Variants in TEC observed in about 807,000 individuals in gnomAD.
TEC encodes the protein tyrosine-protein kinase Tec.
A neutral mutation model predicts 93.0 loss-of-function variants in TEC; 72 were observed. The observed-to-expected ratio is 0.77, with a 90% CI of 0.64 to 0.94. TEC has a LOEUF of 0.94. Among genes scored for constraint, TEC ranks in the 40% least tolerant of loss-of-function variants. The probability of loss-of-function intolerance (pLI) is 0.00; values close to 1 mark genes in which losing one functional copy is unlikely to be tolerated. For missense variants in TEC, 630 were observed against 757.9 expected (o/e 0.83, Z 1.98); for synonymous variants, 249 against 247.7 (o/e 1.01, Z -0.05).
chr4:48,164,272 C>T (rs1188565346), intron 7 of TEC, among the ~76,000 whole-genome samples: 1 of 152,184 alleles, frequency 6.6e-6, no homozygotes, highest in Non-Finnish European at 1.5e-5. Flanking sequence ...AAGGATAATT[C>T]CTGGCCTTTC....
rs146015967 is a variant in TEC, at chr4:48,149,744, T to G, written c.873-54A>C. On this transcript the variant is annotated intron_variant, in intron 10 of 17. Transcript: ENST00000381501. ...CCAAGTTGAAATAATAGAACTTCAT[T>G]CTTAAGATGTTTTCTACAAGGGCAA... 4.4e-4 allele frequency: 668 copies of G among 1,535,342 alleles called. 2 individuals carry two copies. The highest frequency in any genetic ancestry group is 3.2e-3 in the Middle Eastern group (16 of 5,030).
chr4:48,240,137 T>C (rs541246851), intron 1 of TEC, among the ~76,000 whole-genome samples: 61 of 152,242 alleles, frequency 4.0e-4, no homozygotes, highest in Non-Finnish European at 6.6e-4. Context: ...CAAAATAAAA[T>C]TGTTCATGAG....
chr4:48,208,582 C>T (rs1722790899), intron 2 of TEC, among the ~76,000 whole-genome samples: 1 of 152,144 alleles, frequency 6.6e-6, no homozygotes, highest in African/African-American at 2.4e-5. Context: ...TTCCCACCTC[C>T]CTGGGGTCCT....
At chr4:48,174,362 A>C (rs771435260) in intron 3 of TEC, among the ~76,000 whole-genome samples, 2 of 152,122 alleles carry the variant, frequency 1.3e-5, no homozygotes, top group Admixed American at 1.3e-4. Context: ...AATAGCCATC[A>C]AAGCTGTGGT....
At position 48,149,677 on chromosome 4, in the gene TEC, C is replaced by T. The variant is rs747952759; in HGVS notation, c.886G>A (p.Gly296Ser). The T allele has an allele frequency of 3.1e-6, 5 of 1,604,400 alleles. No homozygotes were observed. The highest frequency in any genetic ancestry group is 1.3e-5 in the African/African-American group (1 of 74,390). Residue 296 changes from glycine (G) to serine (S), a missense_variant, in exon 11 of 18, where the codon GGT becomes AGT. By Grantham distance (56) the Gly-to-Ser change is moderately conservative. Coordinates refer to ENST00000381501, the MANE Select transcript of TEC (RefSeq NM_003215.3). ...TCCTTTATATGATAATGCCTAAAAC[C>T]CGATGAACCTTCTCTAGAACAAAAA... ...YTKFGGEGSS[G>S]FRHYHIKETT...
intron 1 of TEC, among the ~76,000 whole-genome samples, chr4:48,267,400 C>A (rs1230322456): frequency 6.6e-6 from 1 of 152,120 alleles, no homozygotes; most frequent in Non-Finnish European, 1.5e-5. Flanking sequence ...TAAGGCAAGC[C>A]CAAGCACAGG....
At chr4:48,183,003 T>C (rs1721656225) in intron 2 of TEC, among the ~76,000 whole-genome samples, 1 of 152,148 alleles carries the variant, frequency 6.6e-6, no homozygotes, top group African/African-American at 2.4e-5. Context: ...GATTCGTCCC[T>C]TTCCCACATC....
At chr4:48,259,561 C>T (rs1388485561) in intron 1 of TEC, among the ~76,000 whole-genome samples, 2 of 151,884 alleles carry the variant, frequency 1.3e-5, no homozygotes, top group Non-Finnish European at 2.9e-5. Flanking sequence ...ACTAAAAATA[C>T]AAAAAATAGC....
chr4:48,215,464 G>A (rs1221382545), intron 2 of TEC, among the ~76,000 whole-genome samples: 3 of 152,190 alleles, frequency 2.0e-5, no homozygotes, highest in Non-Finnish European at 2.9e-5. Context: ...CTGGGATTGC[G>A]CCACTGTACT....
chr4:48,229,926 T>C (rs1723596099), intron 1 of TEC, among the ~76,000 whole-genome samples: 1 of 150,732 alleles, frequency 6.6e-6, no homozygotes, highest in Non-Finnish European at 1.5e-5. Flanking sequence ...ATACAAAAAA[T>C]TAGCTGGACA....
At chr4:48,186,705 C>A (rs1197163631) in intron 2 of TEC, among the ~76,000 whole-genome samples, 4 of 151,912 alleles carry the variant, frequency 2.6e-5, no homozygotes, top group South Asian at 2.1e-4. Flanking sequence ...CCGGCAGCCG[C>A]CCCGTCCAGG....
At chr4:48,250,917 T>C (rs1471049512) in intron 1 of TEC, among the ~76,000 whole-genome samples, 1 of 152,230 alleles carries the variant, frequency 6.6e-6, no homozygotes, top group Non-Finnish European at 1.5e-5. Context: ...TTTATGGGAC[T>C]GTTTGTTACA....
At chr4:48,221,867 T>C (rs1377302982) in intron 2 of TEC, among the ~76,000 whole-genome samples, 2 of 152,110 alleles carry the variant, frequency 1.3e-5, no homozygotes, top group African/African-American at 4.8e-5. Flanking sequence ...AACATAAACA[T>C]AGCTACGGCT....
At chr4:48,146,485 T>A (rs1292549332) in intron 11 of TEC, 86 bp from the exon 12 acceptor site, 1 of 1,214,538 alleles carries the variant, frequency 8.2e-7, no homozygotes, top group East Asian at 2.3e-5. Context: ...CTTAGAAAAT[T>A]CATCATTTAT....
intron 1 of TEC, among the ~76,000 whole-genome samples, chr4:48,238,367 G>C (rs1238356811): frequency 1.3e-5 from 2 of 152,282 alleles, no homozygotes; most frequent in Middle Eastern, 3.4e-3. Context: ...CTGCTAACCT[G>C]TTGAAGGTAG....
At chr4:48,180,849 C>T (rs1052925296) in intron 2 of TEC, among the ~76,000 whole-genome samples, 2 of 152,102 alleles carry the variant, frequency 1.3e-5, no homozygotes, top group Admixed American at 6.6e-5. Context: ...TAATGATTAA[C>T]GGCAGGTGAA....
intron 1 of TEC, among the ~76,000 whole-genome samples, chr4:48,251,121 C>T (rs1042832612): frequency 6.6e-6 from 1 of 152,150 alleles, no homozygotes; most frequent in Non-Finnish European, 1.5e-5. Flanking sequence ...CAACGCCTAC[C>T]CAATGCACTT....
intron 1 of TEC, among the ~76,000 whole-genome samples, chr4:48,251,241 T>C (rs1724189831): frequency 6.6e-6 from 1 of 152,154 alleles, no homozygotes; most frequent in African/African-American, 2.4e-5. Context: ...CTTCTTCCTA[T>C]TCTTCAAACA....
chr4:48,219,028 G>C (rs1723168252), intron 2 of TEC, among the ~76,000 whole-genome samples: 1 of 152,132 alleles, frequency 6.6e-6, no homozygotes, highest in African/African-American at 2.4e-5. Flanking sequence ...AAAGTAGTTA[G>C]AATAAGAATA....
Sources: allele counts gnomAD v4.1 joint callset (sites outside exome capture counted in the v4.1 genomes callset), GRCh38; gene constraint gnomAD v4.1.1; transcripts MANE v1.5; gene names NCBI Gene and HGNC (gene_info 2026-07-23, HGNC 2026-07-21).